Variants in PCDHGA9 observed in about 807,000 individuals in gnomAD.
PCDHGA9 encodes protocadherin gamma-A9.
In PCDHGA9, 37 loss-of-function variants were observed where a neutral mutation model predicts 62.5. That is an observed-to-expected ratio of 0.59 (90% CI 0.46 to 0.78). The LOEUF is 0.78. Among genes scored for constraint, PCDHGA9 ranks in the 30% least tolerant of loss-of-function variants. The pLI is 0.00. For synonymous variants in PCDHGA9, 459 were observed against 484.6 expected, an observed-to-expected ratio of 0.95 and a Z score of 0.69; for missense variants, 1,138 against 1,166.2, an observed-to-expected ratio of 0.98 and a Z score of 0.35.
At position 141,489,219 on chromosome 5, in the gene PCDHGA9, T is replaced by C; in HGVS notation, c.2425-5588T>C. 1 of 1,502,828 alleles carries C rather than the reference T, an allele frequency of 6.7e-7. No homozygotes were observed. Among genetic ancestry groups the C allele is most frequent in the Non-Finnish European group, 8.9e-7 (1 of 1,117,962 alleles). 93.1% of individuals were successfully genotyped at this position (1,502,828 alleles called of 1,614,324 possible). On this transcript the variant is annotated intron_variant, in intron 1 of 3. Transcript: ENST00000573521. This position sits in a 1 kb window ranked among gnomAD's most constrained non-coding sequence, Gnocchi z 4.5. ...GAGACAGGACAGCACAGACTTACTC[T>C]CCACAAAGGGACTTCTGGGTCATGG...
intron 1 of PCDHGA9, among the ~76,000 whole-genome samples, chr5:141,467,305 G>A (rs535466592): frequency 1.3e-5 from 2 of 152,078 alleles, no homozygotes; most frequent in African/African-American, 4.8e-5. Flanking sequence ...CACTCACCTC[G>A]GCCTCCCACA....
At chr5:141,443,442 C>T (rs571341362) in intron 1 of PCDHGA9, among the ~76,000 whole-genome samples, 9 of 152,202 alleles carry the variant, frequency 5.9e-5, no homozygotes, top group East Asian at 1.9e-4. Context: ...GCTGTGGTTG[C>T]GCTCCTGTAC....
Position 141,477,148 on chromosome 5 carries a change from T to A in PCDHGA9, c.2425-17659T>A. 1 of 1,614,172 alleles carries A rather than the reference T, an allele frequency of 6.2e-7. No individual in the cohort carries two copies. Among genetic ancestry groups the A allele is most frequent in the African/African-American group, 1.3e-5 (1 of 75,050 alleles). On this transcript the variant is annotated intron_variant, in intron 1 of 3. Transcript: ENST00000573521. This position sits in a 1 kb window ranked among gnomAD's most constrained non-coding sequence, Gnocchi z 4.9. ...GCAAAGTGTTGGTGGAGGTTGTGGA[T>A]GTGAATGACAACGCCCCGGAGATCA...
intron 1 of PCDHGA9, among the ~76,000 whole-genome samples, chr5:141,446,961 GA>G (rs1466390366): frequency 2.0e-5 from 3 of 152,070 alleles, no homozygotes; most frequent in Admixed American, 1.3e-4. Context: ...AGCACCCAGG[GA>G]AATTTGCTGT....
At chr5:141,464,282 A>AG (rs1318553407) in intron 1 of PCDHGA9, among the ~76,000 whole-genome samples, 1 of 151,396 alleles carries the variant, frequency 6.6e-6, no homozygotes, top group Non-Finnish European at 1.5e-5. Flanking sequence ...AAAAAAGCAA[A>AG]AAAAAAAACT....
intron 1 of PCDHGA9, among the ~76,000 whole-genome samples, chr5:141,451,606 G>C (rs2098720118): frequency 6.6e-6 from 1 of 152,152 alleles, no homozygotes; most frequent in Non-Finnish European, 1.5e-5. Flanking sequence ...ACAAGGCTAG[G>C]CATGGTGGCT....
intron 1 of PCDHGA9, chr5:141,420,333 A>G (rs778366534): frequency 2.1e-6 from 3 of 1,402,720 alleles, no homozygotes; most frequent in Non-Finnish European, 2.9e-6. Flanking sequence ...ATATATTCCA[A>G]TATAGTGGTA....
chr5:141,495,818 GTTC>G (rs2099764072), intron 2 of PCDHGA9, among the ~76,000 whole-genome samples: 1 of 151,904 alleles, frequency 6.6e-6, no homozygotes, highest in South Asian at 2.1e-4. Context: ...AGCGCCTTGT[GTTC>G]TTCTATCCCC....
chr5:141,485,786 C>A lies in PCDHGA9; in HGVS notation c.2425-9021C>A. On this transcript the variant is annotated intron_variant, in intron 1 of 3. Transcript: ENST00000573521. This position sits in a 1 kb window ranked among gnomAD's most constrained non-coding sequence, Gnocchi z 5.7. ...GGAGAAGCCTTTGGATCGAGAGAAG[C>A]AATCGGACTACCGCCTGGTGCTGAC... 1 of 1,614,208 alleles carries A rather than the reference C, an allele frequency of 6.2e-7. No individual in the cohort carries two copies. The highest frequency in any genetic ancestry group is 1.3e-5 in the African/African-American group (1 of 75,062).
In PCDHGA9 at chr5:141,476,529, A is replaced by G. The variant is rs752442904; in HGVS notation, c.2425-18278A>G. On this transcript the variant is annotated intron_variant, in intron 1 of 3. Coordinates refer to ENST00000573521, the MANE Select transcript of PCDHGA9 (RefSeq NM_018921.3). The surrounding 1 kb of genome is among the most constrained non-coding windows in gnomAD (Gnocchi z 7.6). ...GACAACAATCCTGCTTTCCCTACCCAGGAAATGAAATTGGAGATTAGCGAG... is the reference window on the plus strand; with the variant it reads ...GACAACAATCCTGCTTTCCCTACCCGGGAAATGAAATTGGAGATTAGCGAG... 2.8e-5 allele frequency: 46 copies of G among 1,614,198 alleles called. No individual in the cohort carries two copies. Among genetic ancestry groups the G allele is most frequent in the Non-Finnish European group, 3.8e-5 (45 of 1,180,044 alleles).
intron 1 of PCDHGA9, among the ~76,000 whole-genome samples, chr5:141,442,879 A>T (rs1399128822): frequency 6.6e-6 from 1 of 152,256 alleles, no homozygotes; most frequent in Non-Finnish European, 1.5e-5. Flanking sequence ...TTTACAACTC[A>T]GAATCCCTGC....
chr5:141,479,679 T>A (rs1211872684), intron 1 of PCDHGA9: 1 of 152,258 alleles, frequency 6.6e-6, no homozygotes, highest in East Asian at 1.9e-4. Flanking sequence ...AAGGAGAGTC[T>A]TTTTGGTGCC....
chr5:141,497,775 A>G (rs2099779384), intron 2 of PCDHGA9, among the ~76,000 whole-genome samples: 2 of 152,054 alleles, frequency 1.3e-5, no homozygotes, highest in South Asian at 4.2e-4. Context: ...CCCGACCTCA[A>G]CTGATCCACC....
intron 1 of PCDHGA9, chr5:141,430,844 A>C: frequency 6.4e-7 from 1 of 1,571,464 alleles, no homozygotes; most frequent in Non-Finnish European, 8.6e-7. Flanking sequence ...GACCGGATGC[A>C]CCCAGATACG....
At chr5:141,484,916 CCTG>C (rs34524370) in intron 1 of PCDHGA9, 64,782 of 456,708 alleles carry the variant, frequency 0.14, 4,878 homozygotes, top group African/African-American at 0.18. Context: ...ACGCATTAAC[CCTG>C]CTGCTGTTGG....
Position 141,489,398 on chromosome 5 carries a change from G to A in PCDHGA9, c.2425-5409G>A, listed in dbSNP as rs2099686644. On this transcript the variant is annotated intron_variant, in intron 1 of 3. Transcript: ENST00000573521. This position sits in a 1 kb window ranked among gnomAD's most constrained non-coding sequence, Gnocchi z 4.5. The stretch of plus-strand genomic sequence containing the variant: ...GTGGGGAATGTTGCTCAGGATCTGG[G>A]CTTAAAGATGACAGATCTGTTGAGC... 6.2e-7 allele frequency: 1 copy of A among 1,614,064 alleles called. No homozygotes were observed. The highest frequency in any genetic ancestry group is 1.3e-5 in the African/African-American group (1 of 74,910).
intron 1 of PCDHGA9, chr5:141,417,646 C>G: frequency 1.3e-6 from 1 of 797,874 alleles, no homozygotes. Context: ...GATCCCTCAG[C>G]CTCTAGCCTG....
intron 1 of PCDHGA9, among the ~76,000 whole-genome samples, chr5:141,449,422 C>A (rs1041930577): frequency 4.0e-5 from 6 of 151,724 alleles, no homozygotes; most frequent in Non-Finnish European, 7.4e-5. Flanking sequence ...GCCTGGCCAA[C>A]ATGATAAAAC....
chr5:141,468,300 G>C (rs2099162063), intron 1 of PCDHGA9, among the ~76,000 whole-genome samples: 1 of 146,430 alleles, frequency 6.8e-6, no homozygotes, highest in Non-Finnish European at 1.5e-5. Flanking sequence ...ACCCCAGCCT[G>C]GGCAACAAGA....
Sources: allele counts gnomAD v4.1 joint callset (sites outside exome capture counted in the v4.1 genomes callset), GRCh38; gene constraint gnomAD v4.1.1; non-coding constraint Gnocchi (gnomAD v3.1); transcripts MANE v1.5; gene names NCBI Gene and HGNC (gene_info 2026-07-23, HGNC 2026-07-21).